The following PCDHA1 variants were observed in gnomAD, a reference collection of about 807,000 sequenced individuals.
The protein encoded by PCDHA1 is protocadherin alpha 1, also known as protocadherin alpha-1.
A neutral mutation model predicts 61.3 loss-of-function variants in PCDHA1; 42 were observed. The observed-to-expected ratio is 0.69, with a 90% CI of 0.54 to 0.89. The LOEUF (loss-of-function observed/expected upper bound fraction) is 0.89. PCDHA1 is among the 40% of genes least tolerant of loss of function. The pLI is 0.00. For synonymous variants in PCDHA1, 610 were observed against 553.8 expected (o/e 1.10, Z -1.43); for missense variants, 1,256 against 1,235.3 (o/e 1.02, Z -0.25).
intron 1 of PCDHA1, chr5:140,795,489 T>C (rs781923576): frequency 1.9e-6 from 3 of 1,614,090 alleles, no homozygotes; most frequent in Non-Finnish European, 2.5e-6. Flanking sequence ...TCAGCTCCAG[T>C]GAGTTTTTCT....
chr5:140,836,158 C>T, intron 1 of PCDHA1: 2 of 1,613,784 alleles, frequency 1.2e-6, no homozygotes, highest in Non-Finnish European at 1.7e-6. Context: ...CATGTGGTGG[C>T]GAAGGTACGT....
At chr5:140,886,654 T>C (rs2061065769) in intron 1 of PCDHA1, among the ~76,000 whole-genome samples, 1 of 151,782 alleles carries the variant, frequency 6.6e-6, no homozygotes, top group African/African-American at 2.4e-5. Context: ...GGTGAAACCC[T>C]GTCTCTACTA....
At chr5:140,808,674 A>G in intron 1 of PCDHA1, 1 of 1,612,708 alleles carries the variant, frequency 6.2e-7, no homozygotes, top group South Asian at 1.1e-5. Flanking sequence ...TCGCTGGTAG[A>G]GCGGCGGGTA....
intron 1 of PCDHA1, among the ~76,000 whole-genome samples, chr5:140,837,700 C>A (rs1554136606): frequency 1.3e-5 from 2 of 151,152 alleles, no homozygotes; most frequent in Non-Finnish European, 2.9e-5. Flanking sequence ...TCAAGACACG[C>A]TCTCACTCCA....
At chr5:140,839,943 G>A (rs1281845453) in intron 1 of PCDHA1, among the ~76,000 whole-genome samples, 2 of 151,554 alleles carry the variant, frequency 1.3e-5, no homozygotes, top group East Asian at 3.9e-4. Flanking sequence ...TGCCAAGAAG[G>A]AGACAACATA....
rs1763493393 is a variant in PCDHA1, at chr5:140,805,022, G to A, written c.2394+16338G>A. ...AATTTAGTTCTGTTATCAGCTTCTTGAATATAATAGAGTCAGCCAAAGTAC... is the reference window on the plus strand; with the variant it reads ...AATTTAGTTCTGTTATCAGCTTCTTAAATATAATAGAGTCAGCCAAAGTAC... On this transcript the variant is annotated intron_variant, in intron 1 of 3. Coordinates refer to ENST00000504120, the MANE Select transcript of PCDHA1 (RefSeq NM_018900.4). 22 of 1,571,950 alleles carry A rather than the reference G, an allele frequency of 1.4e-5. No individual in the cohort carries two copies. In the East Asian group the frequency reaches 5.0e-4, roughly 36 times the overall value.
intron 1 of PCDHA1, chr5:140,842,083 C>G: frequency 6.2e-7 from 1 of 1,613,822 alleles, no homozygotes; most frequent in Non-Finnish European, 8.5e-7. Flanking sequence ...TATTCGAAAA[C>G]GCAGACAACG....
At chr5:140,796,641 C>T (rs1554120023) in intron 1 of PCDHA1, 2 of 1,613,788 alleles carry the variant, frequency 1.2e-6, no homozygotes, top group Non-Finnish European at 1.7e-6. Flanking sequence ...TGGACGAGAA[C>T]GACAACGCGC....
At position 140,838,745 on chromosome 5, in the gene PCDHA1, G is replaced by A. The variant is rs12655588; in HGVS notation, c.2394+50061G>A. Among the ~76,000 whole-genome samples the A allele has an allele frequency of 3.5e-3, 537 of 152,028 alleles. 21 individuals are homozygous for A. In the East Asian group the frequency reaches 0.074, roughly 21 times the overall value. On this transcript the variant is annotated intron_variant, in intron 1 of 3. Coordinates refer to ENST00000504120, the MANE Select transcript of PCDHA1 (RefSeq NM_018900.4). ...CAGTCTAGTAGTTTGAGACCAGCTT[G>A]TGCATCTTTTGTAGAGACTTTGTAA...
chr5:140,875,751 G>A lies in PCDHA1; in HGVS notation c.2394+87067G>A, dbSNP rs781862261. On this transcript the variant is annotated intron_variant, in intron 1 of 3. Transcript: ENST00000504120. ...TTGTGAATTCTCGGATCGACCGCGA[G>A]AAGCTGTGCGGGCGGAGCGCGGAGT... 1.9e-6 allele frequency: 3 copies of A among 1,614,278 alleles called. No individual in the cohort carries two copies. In the South Asian group the frequency reaches 3.3e-5, roughly 18 times the overall value.
At chr5:140,997,472 C>CACA (rs1386540010) in intron 3 of PCDHA1, among the ~76,000 whole-genome samples, 12 of 152,120 alleles carry the variant, frequency 7.9e-5, no homozygotes, top group Non-Finnish European at 1.8e-4. Context: ...GCAATTTTTA[C>CACA]ACAATGATAA....
At chr5:140,998,118 G>A (rs545818682) in intron 3 of PCDHA1, among the ~76,000 whole-genome samples, 5 of 152,282 alleles carry the variant, frequency 3.3e-5, no homozygotes, top group Admixed American at 1.3e-4. Flanking sequence ...AAATTTACTT[G>A]TGAATCATAA....
rs782637404 is a variant in PCDHA1 at position 140,795,106 on chromosome 5, A to T, written c.2394+6422A>T. 3 of 1,613,936 alleles carry T rather than the reference A, an allele frequency of 1.9e-6. No individual in the cohort carries two copies. In the Admixed American group the frequency reaches 5.0e-5, roughly 27 times the overall value. On this transcript the variant is annotated intron_variant, in intron 1 of 3. Transcript: ENST00000504120. The stretch of plus-strand genomic sequence containing the variant: ...CAAACACGGCACCTTCGTGGGCCGC[A>T]TCGCGCAGGACCTGGGGCTGGAGCT...
chr5:141,006,525 T>G (rs1366958955), intron 3 of PCDHA1, among the ~76,000 whole-genome samples: 1 of 152,108 alleles, frequency 6.6e-6, no homozygotes, highest in African/African-American at 2.4e-5. Context: ...TATACATCAG[T>G]TTTTAAAGAG....
chr5:140,802,494 C>G (rs142880719), intron 1 of PCDHA1: 1 of 1,614,164 alleles, frequency 6.2e-7, no homozygotes, highest in Admixed American at 1.7e-5. Flanking sequence ...CGGGGGCTCG[C>G]CTTCACTGTG....
intron 1 of PCDHA1, chr5:140,877,580 C>T (rs559831598): frequency 2.5e-6 from 4 of 1,613,804 alleles, no homozygotes; most frequent in African/African-American, 1.3e-5. Context: ...CTCATCATCG[C>T]CATCTGTGCG....
Position 140,787,508 on chromosome 5 carries a change from G to A in PCDHA1, c.1218G>A (p.Ser406=). 1.9e-6 allele frequency: 3 copies of A among 1,614,194 alleles called. No homozygotes were observed. Among genetic ancestry groups the A allele is most frequent in the Non-Finnish European group, 2.5e-6 (3 of 1,180,048 alleles). ...KLVSTFKNYY[S]LVLDSALDRE... ...TGTCCACCTTCAAGAATTACTACTC[G>A]TTGGTGTTGGACAGCGCCCTGGATC... Residue 406 remains serine (S), a synonymous_variant, in exon 1 of 4, where the codon TCG becomes TCA. Coordinates refer to ENST00000504120, the MANE Select transcript of PCDHA1 (RefSeq NM_018900.4).
chr5:140,830,459 G>T (rs1554132838), intron 1 of PCDHA1: 6 of 1,580,018 alleles, frequency 3.8e-6, no homozygotes, highest in Non-Finnish European at 5.2e-6. Flanking sequence ...GGAGAATCAG[G>T]ATTTAAATGA....
intron 1 of PCDHA1, chr5:140,807,060 A>G (rs1763837295): frequency 1.8e-6 from 2 of 1,107,310 alleles, no homozygotes; most frequent in East Asian, 2.4e-5. Flanking sequence ...TTCTTACTGG[A>G]AGGAACCATA....
Sources: gnomAD v4.1 joint callset for allele counts (sites outside exome capture counted in the v4.1 genomes callset) on GRCh38, gnomAD v4.1.1 for gene constraint, MANE v1.5 for transcripts, NCBI Gene and HGNC (gene_info 2026-07-23, HGNC 2026-07-21) for gene names.